CMIP: variants seen among roughly 807,000 people sequenced by gnomAD.
The protein encoded by CMIP is c-Maf inducing protein, also known as C-Maf-inducing protein.
In CMIP, 13 loss-of-function variants were observed where a neutral mutation model predicts 97.3. That is an observed-to-expected ratio of 0.13 (90% CI 0.09 to 0.21). The LOEUF (loss-of-function observed/expected upper bound fraction) is 0.21, where lower values mean the gene tolerates loss of function less well. Ranked by LOEUF, CMIP falls within the 10% of genes least tolerant of loss-of-function variation. The probability of loss-of-function intolerance (pLI) is 1.00; values close to 1 mark genes in which losing one functional copy is unlikely to be tolerated. For synonymous variants in CMIP, 538 were observed against 436.3 expected (o/e 1.23, Z -2.91); for missense variants, 847 against 1,024.9 (o/e 0.83, Z 2.37).
chr16:81,475,727 C>T (rs1429778051), intron 1 of CMIP, among the ~76,000 whole-genome samples: 3 of 151,980 alleles, frequency 2.0e-5, no homozygotes, highest in Admixed American at 1.3e-4. Flanking sequence ...GGCTCACTGC[C>T]GTAATCCCAG....
At chr16:81,678,710 G>A in intron 10 of CMIP, 82 bp downstream of exon 10, 1 of 673,950 alleles carries the variant, frequency 1.5e-6, no homozygotes, top group Non-Finnish European at 2.6e-6. Context: ...TGTGTTTGTT[G>A]GTTCGAGCTA....
intron 5 of CMIP, among the ~76,000 whole-genome samples, chr16:81,660,042 T>C (rs536916499): frequency 6.6e-6 from 1 of 152,300 alleles, no homozygotes; most frequent in South Asian, 2.1e-4. Flanking sequence ...GAGTTGGTTT[T>C]ATTCATTCCA....
chr16:81,585,228 G>C (rs1007600172), intron 1 of CMIP, among the ~76,000 whole-genome samples: 1 of 152,198 alleles, frequency 6.6e-6, no homozygotes, highest in Admixed American at 6.5e-5. Flanking sequence ...TGTAATCCCA[G>C]CTACTCAGGA....
chr16:81,537,810 C>T (rs115854939), intron 1 of CMIP, among the ~76,000 whole-genome samples: 3 of 152,334 alleles, frequency 2.0e-5, no homozygotes, highest in African/African-American at 4.8e-5. Flanking sequence ...AGCAGGGAAA[C>T]ACCCTGTGGT....
At chr16:81,605,363 C>T (rs1036522328) in intron 1 of CMIP, among the ~76,000 whole-genome samples, 1 of 152,200 alleles carries the variant, frequency 6.6e-6, no homozygotes, top group African/African-American at 2.4e-5. Context: ...GCAGCTGCCT[C>T]CTCCCCTAGA....
At chr16:81,588,746 T>C (rs1370042116) in intron 1 of CMIP, among the ~76,000 whole-genome samples, 1 of 152,196 alleles carries the variant, frequency 6.6e-6, no homozygotes, top group Non-Finnish European at 1.5e-5. Flanking sequence ...GCCGGTGTGC[T>C]GTTTAGTCGT....
intron 1 of CMIP, among the ~76,000 whole-genome samples, chr16:81,537,820 T>A (rs1345052017): frequency 2.0e-5 from 3 of 152,234 alleles, no homozygotes; most frequent in African/African-American, 7.2e-5. Context: ...CACCCTGTGG[T>A]ATGAAGTGGC....
rs573860975 is a variant in CMIP, at chr16:81,569,800, C to A, written c.301-37767C>A. ...TGACTTTGACCTGGTGTCAACCTCT[C>A]TGAGACTCGGTTTTCTCATCTGTAA... is the stretch of plus-strand genomic sequence containing the variant. On this transcript the variant is annotated intron_variant, in intron 1 of 20. Transcript: ENST00000537098. Among the ~76,000 whole-genome samples the A allele has an allele frequency of 5.3e-5, 8 of 152,326 alleles. No homozygotes were observed. In the South Asian group the frequency reaches 1.7e-3, roughly 32 times the overall value.
intron 2 of CMIP, among the ~76,000 whole-genome samples, chr16:81,612,704 C>T (rs144409579): frequency 9.3e-4 from 141 of 152,328 alleles, no homozygotes; most frequent in African/African-American, 3.3e-3. Context: ...GCCCTTTCAG[C>T]ATTCCAAAGA....
chr16:81,671,556 A>T (rs959166914), intron 8 of CMIP, among the ~76,000 whole-genome samples: 1 of 152,252 alleles, frequency 6.6e-6, no homozygotes, highest in African/African-American at 2.4e-5. Context: ...AGGTGTGAGC[A>T]TGACTGTCCC....
intron 1 of CMIP, among the ~76,000 whole-genome samples, chr16:81,566,478 G>C (rs770778679): frequency 1.3e-5 from 2 of 152,168 alleles, no homozygotes; most frequent in Non-Finnish European, 1.5e-5. Flanking sequence ...CTGGAGCCAC[G>C]CACAACTGGA....
At chr16:81,673,811 G>T (rs1243268460) in intron 9 of CMIP, among the ~76,000 whole-genome samples, 1 of 152,190 alleles carries the variant, frequency 6.6e-6, no homozygotes, top group Non-Finnish European at 1.5e-5. Context: ...GAACACAGTG[G>T]TCTCTGCTGC....
chr16:81,637,635 C>G (rs905540321), intron 3 of CMIP, among the ~76,000 whole-genome samples: 1 of 150,496 alleles, frequency 6.6e-6, no homozygotes, highest in Admixed American at 6.6e-5. Flanking sequence ...TGTGATGATG[C>G]ACACATCTGC....
chr16:81,687,484 G>A (rs578261782), intron 10 of CMIP, among the ~76,000 whole-genome samples: 6 of 152,292 alleles, frequency 3.9e-5, no homozygotes, highest in Non-Finnish European at 8.8e-5. Context: ...AGAGAGATCC[G>A]GAACCCAGGT....
chr16:81,627,587 C>A lies in CMIP; in HGVS notation c.477+6661C>A, dbSNP rs1022070798. Among the ~76,000 whole-genome samples the A allele has an allele frequency of 1.3e-5, 2 of 152,068 alleles. No individual in the cohort carries two copies. The highest frequency in any genetic ancestry group is 4.8e-5 in the African/African-American group (2 of 41,388). ...GTGGGAAGCCCGCCCTCGAGACTGT[C>A]TCTGCCCGGCTCTGGCCACGGAGTG... On this transcript the variant is annotated intron_variant, in intron 3 of 20. Coordinates refer to ENST00000537098, the MANE Select transcript of CMIP (RefSeq NM_198390.3). This position sits in a 1 kb window ranked among gnomAD's most constrained non-coding sequence, Gnocchi z 4.6.
intron 1 of CMIP, among the ~76,000 whole-genome samples, chr16:81,500,301 T>C (rs1449114848): frequency 8.2e-5 from 11 of 133,498 alleles, no homozygotes; most frequent in African/African-American, 3.5e-4. Context: ...CTTCCTTCCT[T>C]CCTGCCTCCC....
chr16:81,556,843 C>A (rs1226700153), intron 1 of CMIP, among the ~76,000 whole-genome samples: 3 of 152,196 alleles, frequency 2.0e-5, no homozygotes, highest in African/African-American at 7.2e-5. Flanking sequence ...ACATTCTGTA[C>A]GGTGCCTGAA....
intron 3 of CMIP, among the ~76,000 whole-genome samples, chr16:81,642,576 A>G (rs571983738): frequency 5.9e-4 from 90 of 152,352 alleles, no homozygotes; most frequent in Non-Finnish European, 1.0e-3. Context: ...ATATATGTGC[A>G]TAGCAGCACT....
At chr16:81,555,420 C>A (rs1415999506) in intron 1 of CMIP, among the ~76,000 whole-genome samples, 1 of 152,206 alleles carries the variant, frequency 6.6e-6, no homozygotes, top group African/African-American at 2.4e-5. Flanking sequence ...CAGAAGAATT[C>A]ATGCTCTCAG....
Sources: allele counts gnomAD v4.1 joint callset (sites outside exome capture counted in the v4.1 genomes callset), GRCh38; gene constraint gnomAD v4.1.1; non-coding constraint Gnocchi (gnomAD v3.1); transcripts MANE v1.5; gene names NCBI Gene and HGNC (gene_info 2026-07-23, HGNC 2026-07-21).